Variants in FAAH2 observed in about 807,000 individuals in gnomAD.
FAAH2 encodes fatty-acid amide hydrolase 2.
In FAAH2, 60 loss-of-function variants were observed where a neutral mutation model predicts 36.9. The ratio of observed to expected loss-of-function variants is 1.63; its 90% confidence interval spans 1.32 to 2.02. The LOEUF is 2.02. FAAH2 is among the 30% of genes most tolerant of loss of function. The probability of loss-of-function intolerance (pLI) is 0.00; values close to 1 mark genes in which losing one functional copy is unlikely to be tolerated. For missense variants in FAAH2, 689 were observed against 397.5 expected (o/e 1.73, Z -6.23); for synonymous variants, 214 against 143.8 (o/e 1.49, Z -3.49).
At chrX:57,484,381 G>A (rs1370835122) in intron 10 of FAAH2, among the ~76,000 whole-genome samples, 2 of 111,052 alleles carry the variant, frequency 1.8e-5, no homozygotes, top group African/African-American at 3.3e-5. Flanking sequence ...GGAACTCCTG[G>A]TACAAACACT....
chrX:57,321,892 T>A (rs2053035348), intron 3 of FAAH2, among the ~76,000 whole-genome samples: 1 of 112,185 alleles, frequency 8.9e-6, no homozygotes, highest in African/African-American at 3.2e-5. Flanking sequence ...AATTACCTAT[T>A]ATTTCCATAT....
At chrX:57,483,647 T>C (rs2057419433) in intron 10 of FAAH2, among the ~76,000 whole-genome samples, 1 of 110,502 alleles carries the variant, frequency 9.0e-6, no homozygotes, top group Admixed American at 9.8e-5. Context: ...TCACTTACTT[T>C]TGAAATTTAT....
intron 8 of FAAH2, among the ~76,000 whole-genome samples, chrX:57,438,855 G>C (rs1274789581): frequency 9.5e-6 from 1 of 104,857 alleles, no homozygotes; most frequent in African/African-American, 3.5e-5. Flanking sequence ...TGCGGTGTTT[G>C]GTTTTTTGTC....
chrX:57,159,656 TA>T, the FAAH2 span, among the ~76,000 whole-genome samples: 5 of 111,950 alleles, frequency 4.5e-5, no homozygotes, highest in Admixed American at 4.7e-4. Context: ...TGTTGGTGTA[TA>T]AAAATGCTTG....
the FAAH2 span, among the ~76,000 whole-genome samples, chrX:57,144,882 C>CTA: frequency 5.4e-3 from 557 of 103,387 alleles, 5 homozygotes; most frequent in South Asian, 0.018. Flanking sequence ...TAGTATTCCA[C>CTA]TATATATATA....
At chrX:57,325,498 T>C (rs1166224767) in intron 3 of FAAH2, among the ~76,000 whole-genome samples, 1 of 111,356 alleles carries the variant, frequency 9.0e-6, no homozygotes, top group Admixed American at 9.6e-5. Flanking sequence ...AGGCTATTTA[T>C]TATTGCCTCA....
At chrX:57,456,949 G>A (rs1454997808) in intron 10 of FAAH2, among the ~76,000 whole-genome samples, 1 of 111,571 alleles carries the variant, frequency 9.0e-6, no homozygotes, top group Non-Finnish European at 1.9e-5. Flanking sequence ...TATGAATCCA[G>A]CAGCATTCTG....
At chrX:57,411,857 G>T (rs960057353) in intron 7 of FAAH2, among the ~76,000 whole-genome samples, 2 of 111,480 alleles carry the variant, frequency 1.8e-5, no homozygotes, top group Admixed American at 9.5e-5. Flanking sequence ...TTCCACCAGG[G>T]TGCTACACCT....
chrX:57,374,867 C>T (rs989111221), intron 5 of FAAH2, among the ~76,000 whole-genome samples: 3 of 111,397 alleles, frequency 2.7e-5, no homozygotes, highest in African/African-American at 6.5e-5. Context: ...GCATTTATTA[C>T]ACTGAGGTAT....
intron 2 of FAAH2, among the ~76,000 whole-genome samples, chrX:57,296,020 C>A (rs2052140926): frequency 8.9e-6 from 1 of 112,557 alleles, no homozygotes; most frequent in Non-Finnish European, 1.9e-5. Context: ...GGCTCCACCT[C>A]TGGGGGCAGG....
chrX:57,310,549 A>T (rs775568746), intron 2 of FAAH2, 44 bp from the exon 3 acceptor site: 3 of 1,167,139 alleles, frequency 2.6e-6, no homozygotes, highest in Non-Finnish European at 1.1e-6. Flanking sequence ...AGTTGGTTGG[A>T]TGACTTGTTT....
At chrX:57,457,611 C>T (rs1318284015) in intron 10 of FAAH2, among the ~76,000 whole-genome samples, 1 of 108,742 alleles carries the variant, frequency 9.2e-6, no homozygotes, top group Non-Finnish European at 1.9e-5. Context: ...ATATACTAAA[C>T]CAATGTACAA....
Position 57,392,825 on chromosome X carries a change from GT to G in FAAH2, c.996+11798del. 4.4e-6 allele frequency: 3 copies of G among 678,381 alleles called. No individual in the cohort carries two copies. In the South Asian group the frequency reaches 6.4e-5, roughly 15 times the overall value. 55.9% of individuals were successfully genotyped at this position (678,381 alleles called of 1,213,427 possible). On this transcript the variant is annotated intron_variant, in intron 7 of 10. Transcript: ENST00000374900. ...CTGTAGGGACACCTTTTCGCTCTGG[GT>G]TGTGAGACAAGGACAAGTGTGTTTT... is the stretch of plus-strand genomic sequence containing the variant.
chrX:57,162,010 T>C, the FAAH2 span, among the ~76,000 whole-genome samples: 16 of 103,099 alleles, frequency 1.6e-4, no homozygotes, highest in Admixed American at 4.1e-4. Context: ...GGTTGTTCCT[T>C]TCCATATTTA....
chrX:57,274,324 A>G, the FAAH2 span, among the ~76,000 whole-genome samples: 1 of 112,184 alleles, frequency 8.9e-6, no homozygotes, highest in East Asian at 2.8e-4. Context: ...GAATTCTACC[A>G]GAGGAACAAA....
At chrX:57,392,726 C>A in intron 7 of FAAH2, 3 of 611,588 alleles carry the variant, frequency 4.9e-6, no homozygotes, top group Middle Eastern at 3.1e-4. Context: ...CCATTGTGCT[C>A]ATCGTTCCTA....
intron 3 of FAAH2, among the ~76,000 whole-genome samples, chrX:57,311,558 T>G (rs758802931): frequency 1.8e-5 from 2 of 111,166 alleles, no homozygotes; most frequent in Admixed American, 9.6e-5. Flanking sequence ...CAGCTGAGAG[T>G]AGCCATAGGC....
At chrX:57,253,659 C>T in the FAAH2 span, among the ~76,000 whole-genome samples, 1 of 111,380 alleles carries the variant, frequency 9.0e-6, no homozygotes, top group South Asian at 3.8e-4. Context: ...ATTTCATATC[C>T]AGCCAAACTA....
In FAAH2 at chrX:57,292,488, T is replaced by C; in HGVS notation, c.193-10T>C. ...TAAATGGCTGCTGACTAAAGTATTGTATTTTGCAGGTGAAATGTATAGATG... is the reference window on the plus strand; with the variant it reads ...TAAATGGCTGCTGACTAAAGTATTGCATTTTGCAGGTGAAATGTATAGATG... On this transcript the variant is annotated splice_polypyrimidine_tract_variant and intron_variant, in intron 1 of 10. Coordinates refer to ENST00000374900, the MANE Select transcript of FAAH2 (RefSeq NM_174912.4). 8.3e-7 allele frequency: 1 copy of C among 1,198,381 alleles called. No individual in the cohort carries two copies. Among genetic ancestry groups the C allele is most frequent in the Non-Finnish European group, 1.1e-6 (1 of 886,664 alleles).
Sources: allele counts gnomAD v4.1 joint callset (sites outside exome capture counted in the v4.1 genomes callset), GRCh38; gene constraint gnomAD v4.1.1; transcripts MANE v1.5; gene names NCBI Gene and HGNC (gene_info 2026-07-23, HGNC 2026-07-21).